Variants in TRPM6 observed in about 807,000 individuals in gnomAD.
The protein encoded by TRPM6 is channel kinase 2.
In TRPM6, 111 loss-of-function variants were observed where a neutral mutation model predicts 247.6. The ratio of observed to expected loss-of-function variants is 0.45; its 90% CI spans 0.38 to 0.52. TRPM6 has a LOEUF of 0.52. TRPM6 is among the 20% of genes least tolerant of loss of function. The pLI, the probability that TRPM6 is intolerant of heterozygous loss-of-function variation, is 0.00. For synonymous variants in TRPM6, 892 were observed against 853.8 expected (o/e 1.04, Z -0.78); for missense variants, 2,126 against 2,421.5 (o/e 0.88, Z 2.56).
chr9:74,816,047 C>T (rs1212394999), intron 11 of TRPM6, among the ~76,000 whole-genome samples: 1 of 152,078 alleles, frequency 6.6e-6, no homozygotes, highest in Non-Finnish European at 1.5e-5. Context: ...TAGAAATCTA[C>T]CCAAAAATAA....
At chr9:74,884,662 G>A (rs533350165) in intron 1 of TRPM6, among the ~76,000 whole-genome samples, 4 of 152,042 alleles carry the variant, frequency 2.6e-5, no homozygotes, top group Non-Finnish European at 5.9e-5. Context: ...TCTATTTGTA[G>A]TATTTGAATT....
At chr9:74,822,571 G>A (rs1266724983) in intron 7 of TRPM6, among the ~76,000 whole-genome samples, 2 of 151,882 alleles carry the variant, frequency 1.3e-5, no homozygotes, top group East Asian at 3.8e-4. Flanking sequence ...AACTTTTAAT[G>A]GTGGTTATTT....
chr9:74,846,925 T>C (rs1056520679), intron 3 of TRPM6, among the ~76,000 whole-genome samples: 1 of 152,204 alleles, frequency 6.6e-6, no homozygotes, highest in Non-Finnish European at 1.5e-5. Context: ...CTTGGGTTTG[T>C]TTACACGTTC....
chr9:74,750,747 CGT>C, intron 29 of TRPM6, 25 bp from the exon 30 acceptor site: 1 of 1,612,130 alleles, frequency 6.2e-7, no homozygotes, highest in East Asian at 2.2e-5. Context: ...AAGGCCGTTA[CGT>C]GTGTGCTCAA....
At chr9:74,724,879 T>C in intron 38 of TRPM6, 133 bp from the exon 39 acceptor site, 14 of 1,150,926 alleles carry the variant, frequency 1.2e-5, no homozygotes, top group Non-Finnish European at 1.8e-5. Flanking sequence ...TATGTGGAAC[T>C]CAAACCCTCA....
intron 1 of TRPM6, among the ~76,000 whole-genome samples, chr9:74,869,144 G>A (rs1161791960): frequency 1.3e-5 from 2 of 152,126 alleles, no homozygotes; most frequent in East Asian, 1.9e-4. Flanking sequence ...GTAAAACAGA[G>A]GAGATAGGTA....
intron 25 of TRPM6, among the ~76,000 whole-genome samples, chr9:74,765,350 CA>C (rs56073840): frequency 0.22 from 23,782 of 106,300 alleles, 2,763 homozygotes; most frequent in African/African-American, 0.4. Context: ...GTGTTAAGAG[CA>C]AAAAAAAAAA....
intron 30 of TRPM6, among the ~76,000 whole-genome samples, chr9:74,750,289 CAGTCTA>C (rs1203949617): frequency 6.6e-6 from 1 of 152,162 alleles, no homozygotes; most frequent in African/African-American, 2.4e-5. Context: ...ATCAGGTGTT[CAGTCTA>C]AGTCTGTTTC....
intron 28 of TRPM6, among the ~76,000 whole-genome samples, chr9:74,753,126 A>G (rs912102813): frequency 1.6e-4 from 25 of 151,702 alleles, no homozygotes; most frequent in African/African-American, 5.6e-4. Context: ...AAAAAAAAAA[A>G]AAAGAAAGGA....
In TRPM6 at chr9:74,792,773, A is replaced by G. The variant is rs779653449; in HGVS notation, c.2392-3T>C. 7 of 1,612,856 alleles carry G rather than the reference A, an allele frequency of 4.3e-6. No homozygotes were observed. The highest frequency in any genetic ancestry group is 5.9e-6 in the Non-Finnish European group (7 of 1,178,910). ...CCCCTTTCCAAATCATACTCTTTCT[A>G]TAAAATAAACAAATAATCATTTTCT... On this transcript the variant is annotated splice_polypyrimidine_tract_variant and splice_region_variant and intron_variant, in intron 18 of 38. Coordinates refer to ENST00000360774, the MANE Select transcript of TRPM6 (RefSeq NM_017662.5).
At chr9:74,872,521 G>A (rs1428367299) in intron 1 of TRPM6, among the ~76,000 whole-genome samples, 1 of 151,814 alleles carries the variant, frequency 6.6e-6, no homozygotes, top group East Asian at 1.9e-4. Flanking sequence ...CCTCCGCCTC[G>A]CAATGCTCAA....
intron 1 of TRPM6, among the ~76,000 whole-genome samples, chr9:74,882,522 C>G (rs1831394537): frequency 6.6e-6 from 1 of 152,180 alleles, no homozygotes; most frequent in African/African-American, 2.4e-5. Flanking sequence ...CTCAACATCA[C>G]TAATCAGCAG....
chr9:74,866,465 G>A (rs971274247), intron 1 of TRPM6, among the ~76,000 whole-genome samples: 1 of 151,796 alleles, frequency 6.6e-6, no homozygotes, highest in African/African-American at 2.4e-5. Flanking sequence ...TGATTTTTTT[G>A]GGGGGGTTTT....
chr9:74,783,349 G>T (rs910525359), intron 21 of TRPM6, among the ~76,000 whole-genome samples: 1 of 152,178 alleles, frequency 6.6e-6, no homozygotes, highest in Non-Finnish European at 1.5e-5. Context: ...AACAGACAGA[G>T]CACTCACCAC....
chr9:74,796,453 A>G (rs1370204884), intron 18 of TRPM6, among the ~76,000 whole-genome samples: 1 of 152,212 alleles, frequency 6.6e-6, no homozygotes, highest in East Asian at 1.9e-4. Flanking sequence ...TTGGCTTTGA[A>G]GTAGAAATAG....
chr9:74,795,687 C>A (rs956341543), intron 18 of TRPM6, among the ~76,000 whole-genome samples: 1 of 152,180 alleles, frequency 6.6e-6, no homozygotes, highest in Non-Finnish European at 1.5e-5. Context: ...TGTTGGTTAA[C>A]CCATTCTGCC....
intron 3 of TRPM6, among the ~76,000 whole-genome samples, chr9:74,853,020 G>C (rs1036003555): frequency 6.6e-6 from 1 of 151,652 alleles, no homozygotes; most frequent in African/African-American, 2.4e-5. Flanking sequence ...GTCTCTGCCC[G>C]GCCCCCCGTC....
At chr9:74,778,803 T>A (rs1827316354) in intron 23 of TRPM6, among the ~76,000 whole-genome samples, 1 of 152,154 alleles carries the variant, frequency 6.6e-6, no homozygotes. Flanking sequence ...GCTGCCTGCT[T>A]GGGCAAGACT....
At position 74,724,535 on chromosome 9, in the gene TRPM6, A is replaced by G. The variant is rs1825251117; in HGVS notation, c.*78T>C. The G allele has an allele frequency of 6.3e-7, 1 of 1,588,732 alleles. No homozygotes were observed. ...CCAAGGAGACGCTGATGTAATCAAC[A>G]TCACGTTGATCAATCTATGTTATCA... On this transcript the variant is annotated 3_prime_UTR_variant, in exon 39 of 39. Coordinates refer to ENST00000360774, the MANE Select transcript of TRPM6 (RefSeq NM_017662.5).
Sources: allele counts gnomAD v4.1 joint callset (sites outside exome capture counted in the v4.1 genomes callset), GRCh38; gene constraint gnomAD v4.1.1; transcripts MANE v1.5; gene names NCBI Gene and HGNC (gene_info 2026-07-23, HGNC 2026-07-21).